CSF2RA: variants seen among roughly 807,000 people sequenced by gnomAD.
CSF2RA encodes colony stimulating factor 2 receptor subunit alpha, also known as granulocyte-macrophage colony-stimulating factor receptor subunit alpha.
Under a neutral mutation model 51.6 loss-of-function variants are expected in CSF2RA, and 42 were observed. That is an observed-to-expected ratio of 0.81 (90% CI 0.64 to 1.05). The LOEUF (loss-of-function observed/expected upper bound fraction) is 1.05, where lower values mean the gene tolerates loss of function less well. CSF2RA is among the 50% of genes least tolerant of loss of function. CSF2RA has a pLI of 0.00. For synonymous variants in CSF2RA, 222 were observed against 193.0 expected, an observed-to-expected ratio of 1.15 and a Z score of -1.24; for missense variants, 530 against 501.1, an observed-to-expected ratio of 1.06 and a Z score of -0.55.
chrX:1,300,390 A>T, intron 9 of CSF2RA, 101 bp from the exon 10 acceptor site: 1 of 1,405,288 alleles, frequency 7.1e-7, no homozygotes, highest in Non-Finnish European at 9.8e-7. Context: ...AAAGAAAAAA[A>T]GAAAAGGAGA....
chrX:1,293,410 G>A (rs1395161190), intron 7 of CSF2RA, among the ~76,000 whole-genome samples: 3 of 152,054 alleles, frequency 2.0e-5, no homozygotes, highest in Admixed American at 6.6e-5. Context: ...TAGTAGAGAC[G>A]GGGTTTCACC....
chrX:1,304,102 C>G (rs1173466290), intron 11 of CSF2RA, 83 bp downstream of exon 11: 7 of 1,217,018 alleles, frequency 5.8e-6, no homozygotes, highest in African/African-American at 4.5e-5. Context: ...CTGTCTCTGT[C>G]TCTGAGAAAG....
At chrX:1,284,932 G>T (rs2090467621) in intron 3 of CSF2RA, among the ~76,000 whole-genome samples, 1 of 152,002 alleles carries the variant, frequency 6.6e-6, no homozygotes, top group Non-Finnish European at 1.5e-5. Context: ...CTACCAAAGT[G>T]CTGGGATTGC....
Position 1,302,329 on chromosome X carries a change from G to C in CSF2RA, c.947-1594G>C, listed in dbSNP as rs559782648. ...AAAAGGGGAAGGGGCAGGATATTGA[G>C]AAGTATGCGGTTTTCACCTCAACAA... is the stretch of plus-strand genomic sequence containing the variant. On this transcript the variant is annotated intron_variant, in intron 10 of 12. Transcript: ENST00000381529. Among the ~76,000 whole-genome samples, 27 of 152,150 alleles carry C rather than the reference G, an allele frequency of 1.8e-4. 2 individuals are homozygous for C. The Middle Eastern group carries it at 0.01, about 58-fold the overall frequency.
At chrX:1,295,928 C>T (rs1277948717) in intron 9 of CSF2RA, among the ~76,000 whole-genome samples, 1 of 150,554 alleles carries the variant, frequency 6.6e-6, no homozygotes, top group Non-Finnish European at 1.5e-5. Flanking sequence ...TCCAGCGTAA[C>T]CCTACAGTCC....
At chrX:1,289,439 GT>G (rs1468480934) in intron 6 of CSF2RA, among the ~76,000 whole-genome samples, 1 of 151,996 alleles carries the variant, frequency 6.6e-6, no homozygotes, top group African/African-American at 2.4e-5. Flanking sequence ...TGTTTTTTTG[GT>G]TGTTGTTTTG....
At chrX:1,307,020 G>A (rs1159136627) in intron 12 of CSF2RA, among the ~76,000 whole-genome samples, 1 of 151,652 alleles carries the variant, frequency 6.6e-6, no homozygotes, top group East Asian at 1.9e-4. Flanking sequence ...GTCTCAGCGA[G>A]AGCCCAGAGA....
At chrX:1,289,641 T>C (rs1245045586) in intron 6 of CSF2RA, among the ~76,000 whole-genome samples, 10 of 151,888 alleles carry the variant, frequency 6.6e-5, no homozygotes, top group Non-Finnish European at 5.9e-5. Context: ...TTTTGTTTTG[T>C]GTTTGTTTTT....
chrX:1,302,144 G>A (rs2083047926), intron 10 of CSF2RA, among the ~76,000 whole-genome samples: 1 of 150,634 alleles, frequency 6.6e-6, no homozygotes. Flanking sequence ...TTGAACTCCT[G>A]ACCTCAGGTG....
At chrX:1,293,472 G>A (rs1211383868) in intron 7 of CSF2RA, among the ~76,000 whole-genome samples, 1 of 152,248 alleles carries the variant, frequency 6.6e-6, no homozygotes, top group Non-Finnish European at 1.5e-5. Context: ...TCCCGCCTCG[G>A]CCTCCCAAAG....
intron 10 of CSF2RA, among the ~76,000 whole-genome samples, chrX:1,301,181 A>T (rs1427219397): frequency 1.3e-5 from 2 of 149,282 alleles, no homozygotes; most frequent in African/African-American, 4.9e-5. Flanking sequence ...AAATACAAAA[A>T]CTAACCAGGA....
chrX:1,270,265 C>G (rs2088202580), intron 1 of CSF2RA, among the ~76,000 whole-genome samples: 1 of 151,882 alleles, frequency 6.6e-6, no homozygotes. Context: ...ATTTTGAGAT[C>G]ATCTGGCTGT....
At chrX:1,319,355 A>G in the CSF2RA span, among the ~76,000 whole-genome samples, 4,692 of 149,088 alleles carry the variant, frequency 0.031, 275 homozygotes, top group African/African-American at 0.11. Context: ...GTGCACGATC[A>G]TGGCTCACTG....
chrX:1,317,246 C>CTTTTTTTTT, the CSF2RA span, among the ~76,000 whole-genome samples: 49 of 57,830 alleles, frequency 8.5e-4, no homozygotes, highest in Admixed American at 1.8e-3. Flanking sequence ...CCACGCTCAG[C>CTTTTTTTTT]TTTTTTTTTT....
At chrX:1,295,228 C>A (rs2148500988) in intron 8 of CSF2RA, among the ~76,000 whole-genome samples, 199 bp from the exon 9 acceptor site, 1 of 138,978 alleles carries the variant, frequency 7.2e-6, no homozygotes, top group East Asian at 2.1e-4. Flanking sequence ...AGATATCTGG[C>A]CAGGAAGACT....
At chrX:1,305,801 C>G in intron 12 of CSF2RA, 1 of 1,548,682 alleles carries the variant, frequency 6.5e-7, no homozygotes. Context: ...GTAGAGAGGG[C>G]CAGGCACGGT....
chrX:1,295,683 T>A, intron 9 of CSF2RA: 1 of 567,494 alleles, frequency 1.8e-6, no homozygotes, highest in Non-Finnish European at 3.1e-6. Flanking sequence ...AGCGTAACCC[T>A]ACAGTCCCCT....
intron 7 of CSF2RA, among the ~76,000 whole-genome samples, 175 bp downstream of exon 7, chrX:1,290,684 GGGA>G (rs1272308467): frequency 2.0e-5 from 3 of 152,020 alleles, no homozygotes; most frequent in Non-Finnish European, 4.4e-5. Flanking sequence ...GACCAACATG[GGGA>G]AACCCCATCT....
intron 10 of CSF2RA, among the ~76,000 whole-genome samples, 179 bp downstream of exon 10, chrX:1,300,805 C>T (rs1381534962): frequency 1.1e-4 from 16 of 152,106 alleles, no homozygotes; most frequent in Non-Finnish European, 1.9e-4. Context: ...CGTACTTGGT[C>T]CCGCAACATT....
Sources: gnomAD v4.1 joint callset for allele counts (sites outside exome capture counted in the v4.1 genomes callset) on GRCh38, gnomAD v4.1.1 for gene constraint, MANE v1.5 for transcripts, NCBI Gene and HGNC (gene_info 2026-07-23, HGNC 2026-07-21) for gene names.